The following ACOXL variants were observed in gnomAD, a reference collection of about 807,000 sequenced individuals.
The protein encoded by ACOXL is acyl-CoA oxidase like, also known as acyl-coenzyme A oxidase-like protein.
In ACOXL, 70 loss-of-function variants were observed where a neutral mutation model predicts 71.9. The ratio of observed to expected loss-of-function variants is 0.97; its 90% confidence interval spans 0.80 to 1.19. ACOXL has a LOEUF of 1.19. Among genes scored for constraint, ACOXL ranks in the 50% most tolerant of loss-of-function variants. The pLI, the probability that ACOXL is intolerant of heterozygous loss-of-function variation, is 0.00. For missense variants in ACOXL, 703 were observed against 736.3 expected, an observed-to-expected ratio of 0.95 and a Z score of 0.52; for synonymous variants, 253 against 281.6, an observed-to-expected ratio of 0.90 and a Z score of 1.02.
chr2:111,045,443 T>C (rs987215264), intron 15 of ACOXL, among the ~76,000 whole-genome samples: 2 of 152,192 alleles, frequency 1.3e-5, no homozygotes, highest in Non-Finnish European at 2.9e-5. Context: ...TGAGATCTGA[T>C]GGTTTTATAA....
chr2:111,112,498 G>C (rs1408357088), intron 17 of ACOXL, among the ~76,000 whole-genome samples: 2 of 152,218 alleles, frequency 1.3e-5, no homozygotes, highest in Non-Finnish European at 2.9e-5. Flanking sequence ...TGGGAAATTA[G>C]CTGCCACAGA....
intron 9 of ACOXL, among the ~76,000 whole-genome samples, chr2:110,825,335 A>G (rs1689044969): frequency 6.6e-6 from 1 of 152,176 alleles, no homozygotes; most frequent in Admixed American, 6.5e-5. Context: ...AATAACAATT[A>G]AAAAACCGGA....
intron 15 of ACOXL, among the ~76,000 whole-genome samples, chr2:111,045,399 G>A (rs758698332): frequency 1.3e-5 from 2 of 152,138 alleles, no homozygotes; most frequent in Non-Finnish European, 2.9e-5. Context: ...GAAAGTGGCC[G>A]CACAGACCTG....
chr2:110,819,994 A>T (rs935977845), intron 9 of ACOXL, among the ~76,000 whole-genome samples: 2 of 152,084 alleles, frequency 1.3e-5, no homozygotes, highest in African/African-American at 4.8e-5. Context: ...TGCTGATGGG[A>T]TTCTGTGAGC....
chr2:111,105,299 T>C (rs2069459408), intron 17 of ACOXL, among the ~76,000 whole-genome samples: 1 of 152,164 alleles, frequency 6.6e-6, no homozygotes, highest in South Asian at 2.1e-4. Context: ...ACAAAATCAC[T>C]TTAGCTATTC....
chr2:110,814,071 T>C (rs1279918098), intron 9 of ACOXL, among the ~76,000 whole-genome samples: 1 of 152,222 alleles, frequency 6.6e-6, no homozygotes, highest in Non-Finnish European at 1.5e-5. Flanking sequence ...CCTGGAACAC[T>C]TTATGCATGG....
chr2:111,112,524 T>C (rs2070055896), intron 17 of ACOXL, among the ~76,000 whole-genome samples: 1 of 152,246 alleles, frequency 6.6e-6, no homozygotes. Context: ...CATCTGATCC[T>C]TTACAGAATG....
intron 14 of ACOXL, among the ~76,000 whole-genome samples, chr2:111,008,485 C>G (rs1008372621): frequency 6.6e-6 from 1 of 152,148 alleles, no homozygotes; most frequent in Non-Finnish European, 1.5e-5. Flanking sequence ...ACAGAATAAT[C>G]TATGTTATGG....
intron 7 of ACOXL, 43 bp downstream of exon 7, chr2:110,799,143 C>G (rs1460139674): frequency 6.4e-7 from 1 of 1,567,820 alleles, no homozygotes; most frequent in South Asian, 1.1e-5. Context: ...CTCTTCCTAC[C>G]TGCTCCCCAC....
chr2:110,934,616 C>T (rs914852392), intron 12 of ACOXL, among the ~76,000 whole-genome samples: 4 of 152,192 alleles, frequency 2.6e-5, no homozygotes, highest in Non-Finnish European at 5.9e-5. Flanking sequence ...CGATTCCCTG[C>T]CATCCGTGTG....
At chr2:110,987,246 G>T (rs1239423636) in intron 13 of ACOXL, 29 bp downstream of exon 13, 1 of 1,541,644 alleles carries the variant, frequency 6.5e-7, no homozygotes, top group Admixed American at 1.9e-5. Context: ...ATCATCATCT[G>T]CCTTCAGTGG....
chr2:110,815,963 T>C (rs1362502699), intron 9 of ACOXL, among the ~76,000 whole-genome samples: 2 of 152,138 alleles, frequency 1.3e-5, no homozygotes, highest in East Asian at 3.8e-4. Context: ...ACTCAGTGAA[T>C]GGACAGATGG....
At chr2:110,946,705 A>G (rs2061122997) in intron 12 of ACOXL, among the ~76,000 whole-genome samples, 1 of 152,192 alleles carries the variant, frequency 6.6e-6, no homozygotes, top group Non-Finnish European at 1.5e-5. Flanking sequence ...TCACTTCCCA[A>G]GCCTCAGTTT....
At chr2:110,880,842 A>G (rs1021209989) in intron 10 of ACOXL, among the ~76,000 whole-genome samples, 1 of 152,164 alleles carries the variant, frequency 6.6e-6, no homozygotes, top group East Asian at 1.9e-4. Flanking sequence ...AGACTCCATC[A>G]ATGAAACTCC....
intron 12 of ACOXL, among the ~76,000 whole-genome samples, chr2:110,959,246 G>T (rs527290948): frequency 6.6e-6 from 1 of 152,300 alleles, no homozygotes; most frequent in Non-Finnish European, 1.5e-5. Flanking sequence ...CCACAGCCCT[G>T]CCCTGCACCA....
chr2:110,793,695 G>A lies in ACOXL; in HGVS notation c.205G>A (p.Gly69Arg), dbSNP rs377311455. The change falls in exon 4 of 18, where the codon GGA (glycine) becomes AGA (arginine). Residue 69 changes from glycine to arginine, a missense_variant. By Grantham distance (125) the Gly-to-Arg change is moderately radical. Coordinates refer to ENST00000439055, the MANE Select transcript of ACOXL (RefSeq NM_001142807.4). Reference sequence around the variant, plus strand: ...ATTTGGTGGTGCTATCAGGAATCTCGGAAGCCCTGAACATGTTACTAAGTG... The same window carrying A: ...ATTTGGTGGTGCTATCAGGAATCTCAGAAGCCCTGAACATGTTACTAAGTG... ...WLFGGAIRNLGSPEHVTKWFQ... is the reference protein window; with the variant it reads ...WLFGGAIRNLRSPEHVTKWFQ... 4.3e-6 allele frequency: 7 copies of A among 1,614,156 alleles called. No individual in the cohort carries two copies. The highest frequency in any genetic ancestry group is 3.3e-4 in the Middle Eastern group (2 of 6,062).
At chr2:110,741,942 C>T (rs185922873) in intron 1 of ACOXL, among the ~76,000 whole-genome samples, 2 of 152,304 alleles carry the variant, frequency 1.3e-5, no homozygotes, top group East Asian at 1.9e-4. Context: ...GAGGTGATTG[C>T]ACGTTTTCTT....
At chr2:110,886,797 C>T in intron 10 of ACOXL, 1 of 1,551,028 alleles carries the variant, frequency 6.4e-7, no homozygotes, top group Middle Eastern at 1.7e-4. Flanking sequence ...AATCATCTCC[C>T]AGAACTGCTG....
At chr2:110,883,554 A>G (rs1696930690) in intron 10 of ACOXL, among the ~76,000 whole-genome samples, 3 of 152,194 alleles carry the variant, frequency 2.0e-5, no homozygotes, top group Admixed American at 2.0e-4. Flanking sequence ...TTGGACAGTA[A>G]AATTCTTTCT....
Sources: allele counts gnomAD v4.1 joint callset (sites outside exome capture counted in the v4.1 genomes callset), GRCh38; gene constraint gnomAD v4.1.1; transcripts MANE v1.5; gene names NCBI Gene and HGNC (gene_info 2026-07-23, HGNC 2026-07-21).